The following NCOA1 variants were observed in gnomAD, a reference collection of about 807,000 sequenced individuals.
The protein encoded by NCOA1 is Hin-2 protein.
In NCOA1, 35 loss-of-function variants were observed where a neutral mutation model predicts 150.9. The ratio of observed to expected loss-of-function variants is 0.23; its 90% CI spans 0.18 to 0.31. The LOEUF (loss-of-function observed/expected upper bound fraction) is 0.31, where lower values mean the gene tolerates loss of function less well. Ranked by LOEUF, NCOA1 falls within the 10% of genes least tolerant of loss-of-function variation. NCOA1 has a pLI of 1.00. For missense variants in NCOA1, 1,491 were observed against 1,749.3 expected, an observed-to-expected ratio of 0.85 and a Z score of 2.63; for synonymous variants, 590 against 630.0, an observed-to-expected ratio of 0.94 and a Z score of 0.95.
chr2:24,693,486 A>G lies in NCOA1; in HGVS notation c.808+139A>G. 4.3e-6 allele frequency: 3 copies of G among 697,758 alleles called. No individual in the cohort carries two copies. The East Asian group carries it at 8.0e-5, about 19-fold the overall frequency. 43.2% of individuals were successfully genotyped at this position (697,758 alleles called of 1,614,324 possible). On this transcript the variant is annotated intron_variant, in intron 10 of 22. Transcript: ENST00000348332. ...TAGTCTTATACAGAAAACATTTTAA[A>G]TGGTGCTCTTGAGATTATACAATTT...
intron 17 of NCOA1, among the ~76,000 whole-genome samples, chr2:24,735,912 C>T (rs1321914604): frequency 6.6e-6 from 1 of 152,022 alleles, no homozygotes; most frequent in Non-Finnish European, 1.5e-5. Flanking sequence ...AATGGGTAGA[C>T]CTGCTGCTTT....
chr2:24,514,357 G>A (rs970343849), intron 1 of NCOA1, among the ~76,000 whole-genome samples: 5 of 149,518 alleles, frequency 3.3e-5, no homozygotes, highest in Admixed American at 6.7e-5. Flanking sequence ...TTTTATCTCT[G>A]AGTCACATAA....
intron 3 of NCOA1, among the ~76,000 whole-genome samples, chr2:24,622,177 G>A (rs1034603314): frequency 2.0e-5 from 3 of 152,104 alleles, no homozygotes; most frequent in African/African-American, 7.2e-5. Flanking sequence ...AATAAGAACT[G>A]TTGTTTTTTT....
chr2:24,755,874 G>A (rs1360226033), intron 20 of NCOA1, among the ~76,000 whole-genome samples: 9 of 152,138 alleles, frequency 5.9e-5, no homozygotes, highest in East Asian at 3.9e-4. Flanking sequence ...TTGCTCCTCC[G>A]CAGTGGTGAC....
At chr2:24,514,654 T>G (rs555208310) in intron 1 of NCOA1, among the ~76,000 whole-genome samples, 22 of 151,792 alleles carry the variant, frequency 1.4e-4, no homozygotes, top group African/African-American at 5.3e-4. Context: ...ATACGAAAAC[T>G]AGCCGATTGT....
At chr2:24,671,263 T>C (rs1048391857) in intron 6 of NCOA1, among the ~76,000 whole-genome samples, 7 of 152,142 alleles carry the variant, frequency 4.6e-5, no homozygotes, top group African/African-American at 1.7e-4. Context: ...AAAAAGTAAG[T>C]TGAAAAAGTT....
chr2:24,653,887 A>G (rs1271300965), intron 4 of NCOA1, among the ~76,000 whole-genome samples: 1 of 152,172 alleles, frequency 6.6e-6, no homozygotes, highest in African/African-American at 2.4e-5. Context: ...ATGTCTTTCA[A>G]CTTCCTTGTT....
chr2:24,697,539 A>G, intron 10 of NCOA1, 119 bp from the exon 11 acceptor site: 1 of 901,524 alleles, frequency 1.1e-6, no homozygotes, highest in Non-Finnish European at 1.6e-6. Context: ...GTGCTTTTTG[A>G]TGCTTTTGTT....
intron 4 of NCOA1, among the ~76,000 whole-genome samples, chr2:24,653,706 G>A: frequency 6.6e-6 from 1 of 152,048 alleles, no homozygotes; most frequent in East Asian, 1.9e-4. Context: ...CATAGGCCCA[G>A]GATTATTTTG....
At chr2:24,693,102 C>T in intron 9 of NCOA1, 150 bp from the exon 10 acceptor site, 2 of 679,636 alleles carry the variant, frequency 2.9e-6, no homozygotes, top group Admixed American at 4.5e-5. Flanking sequence ...GATCCACCCA[C>T]CTCGGCCTCC....
chr2:24,767,228 A>G (rs1665110618), intron 22 of NCOA1, among the ~76,000 whole-genome samples: 1 of 152,212 alleles, frequency 6.6e-6, no homozygotes, highest in Non-Finnish European at 1.5e-5. Context: ...AATTAGTGAT[A>G]AATGACCAAA....
chr2:24,519,678 G>A (rs1664343667), intron 1 of NCOA1, among the ~76,000 whole-genome samples: 1 of 144,530 alleles, frequency 6.9e-6, no homozygotes, highest in Non-Finnish European at 1.5e-5. Flanking sequence ...AAAATTAGCT[G>A]GGTTAGGTGG....
intron 7 of NCOA1, among the ~76,000 whole-genome samples, chr2:24,675,718 C>G (rs1671874050): frequency 6.6e-6 from 1 of 152,142 alleles, no homozygotes; most frequent in African/African-American, 2.4e-5. Context: ...AATCCCATCT[C>G]TACTAAAAAT....
chr2:24,689,614 G>T (rs531648972), intron 8 of NCOA1, among the ~76,000 whole-genome samples: 1 of 152,086 alleles, frequency 6.6e-6, no homozygotes, highest in Middle Eastern at 3.2e-3. Context: ...GGATGGTCTC[G>T]ATCTCTGACC....
At chr2:24,634,966 C>T (rs1246929216) in intron 3 of NCOA1, among the ~76,000 whole-genome samples, 2 of 152,142 alleles carry the variant, frequency 1.3e-5, no homozygotes, top group African/African-American at 4.8e-5. Context: ...ATCTTCCTGC[C>T]TGGGCCTCCC....
At chr2:24,635,878 G>GA (rs1460016618) in intron 3 of NCOA1, among the ~76,000 whole-genome samples, 2 of 151,964 alleles carry the variant, frequency 1.3e-5, no homozygotes, top group South Asian at 2.1e-4. Flanking sequence ...GTCAAGGAAA[G>GA]AAAAAAATTG....
intron 3 of NCOA1, among the ~76,000 whole-genome samples, chr2:24,621,015 T>C (rs1396646978): frequency 6.6e-6 from 1 of 152,204 alleles, no homozygotes; most frequent in Non-Finnish European, 1.5e-5. Flanking sequence ...CATGATACCA[T>C]GTTTCTTCTT....
Position 24,665,802 on chromosome 2 carries a change from A to T in NCOA1, c.143A>T (p.Glu48Val). The change falls in exon 6 of 23, where the codon GAG becomes GTG. Residue 48 changes from glutamate to valine, a missense_variant. By Grantham distance (121) the Glu-to-Val change is moderately radical. Around this residue, in one of 8 missense-constraint regions of NCOA1, gnomAD observed 80 missense variants for 163.0 expected, o/e 0.49. Transcript: ENST00000348332. Reference protein sequence around the residue: ...QENKYLEELAELLSANISDID... With the variant: ...QENKYLEELAVLLSANISDID... ...AATAAATATTTAGAAGAACTAGCTG[A>T]GTTACTGTCTGCCAACATTAGTGAC... The T allele has an allele frequency of 6.2e-7, 1 of 1,604,722 alleles. No individual in the cohort carries two copies. The highest frequency in any genetic ancestry group is 1.1e-5 in the South Asian group (1 of 89,568).
At position 24,728,418 on chromosome 2, in the gene NCOA1, A is replaced by G; in HGVS notation, c.2828A>G (p.Lys943Arg). The change falls in exon 16 of 23, where the codon AAA becomes AGA. Residue 943 changes from lysine (K) to arginine (R), a missense_variant. By Grantham distance (26) the Lys-to-Arg change is conservative. Around this residue, in one of 8 missense-constraint regions of NCOA1, gnomAD observed 13 missense variants for 38.5 expected, o/e 0.34. Coordinates refer to ENST00000348332, the MANE Select transcript of NCOA1 (RefSeq NM_003743.5). The part of the protein sequence containing the change: ...LEQLVSFLSG[K>R]DETELAELDR... The stretch of plus-strand genomic sequence containing the variant: ...CAGCTGGTATCCTTCCTTAGTGGCA[A>G]AGATGAAACTGAGCTAGCTGAACTA... 6.2e-7 allele frequency: 1 copy of G among 1,613,988 alleles called. No individual in the cohort carries two copies. Among genetic ancestry groups the G allele is most frequent in the Non-Finnish European group, 8.5e-7 (1 of 1,179,912 alleles).
Sources: gnomAD v4.1 joint callset for allele counts (sites outside exome capture counted in the v4.1 genomes callset) on GRCh38, gnomAD v4.1.1 for gene constraint, gnomAD v4.1.1 regional missense constraint, MANE v1.5 for transcripts, NCBI Gene and HGNC (gene_info 2026-07-23, HGNC 2026-07-21) for gene names.